CIB4: variants seen among roughly 807,000 people sequenced by gnomAD.
CIB4 encodes the protein calcium and integrin binding family member 4, also known as calcium and integrin-binding family member 4.
A neutral mutation model predicts 25.8 loss-of-function variants in CIB4; 25 were observed. The observed-to-expected ratio is 0.97, with a 90% confidence interval of 0.71 to 1.35. CIB4 has a LOEUF of 1.35. CIB4 is among the 40% of genes most tolerant of loss of function. The pLI is 0.00. For missense variants in CIB4, 235 were observed against 228.2 expected (o/e 1.03, Z -0.19); for synonymous variants, 75 against 81.4 (o/e 0.92, Z 0.42).
chr2:26,624,717 G>C (rs1383529042), intron 3 of CIB4, among the ~76,000 whole-genome samples: 1 of 116,612 alleles, frequency 8.6e-6, no homozygotes, highest in Admixed American at 1.1e-4. Context: ...TCTGGGACCA[G>C]GCTGGGAAGT....
At chr2:26,614,645 A>G (rs185795615) in intron 3 of CIB4, among the ~76,000 whole-genome samples, 1 of 151,986 alleles carries the variant, frequency 6.6e-6, no homozygotes, top group Admixed American at 6.6e-5. Flanking sequence ...GCCTCCATTT[A>G]CTCATCTGCC....
intron 3 of CIB4, among the ~76,000 whole-genome samples, chr2:26,625,396 AGGCT>A (rs1475967300): frequency 3.9e-5 from 5 of 129,424 alleles, no homozygotes; most frequent in Non-Finnish European, 6.3e-5. Context: ...CTTGTTGCCC[AGGCT>A]GGAGTGCAAT....
In CIB4 at chr2:26,581,674, G is replaced by A. The variant is rs151008447; in HGVS notation, c.528-281C>T. Among the ~76,000 whole-genome samples, 1,472 of 152,328 alleles carry A rather than the reference G, an allele frequency of 9.7e-3. 28 individuals are homozygous for A. Among genetic ancestry groups the A allele is most frequent in the African/African-American group, 0.029 (1,223 of 41,564 alleles). On this transcript the variant is annotated intron_variant, in intron 6 of 6. Coordinates refer to ENST00000288861, the MANE Select transcript of CIB4 (RefSeq NM_001029881.3). Reference sequence around the variant, plus strand: ...ATTCAAAGAGAAACTCTGAGCAGTCGGGGTGCCAGCTTCAATTATGTGCTG... The same window carrying A: ...ATTCAAAGAGAAACTCTGAGCAGTCAGGGTGCCAGCTTCAATTATGTGCTG...
intron 3 of CIB4, among the ~76,000 whole-genome samples, chr2:26,612,137 T>C (rs1669006113): frequency 6.6e-6 from 1 of 152,066 alleles, no homozygotes; most frequent in South Asian, 2.1e-4. Context: ...CTTTTGCTTC[T>C]CTCTTCTGCT....
intron 3 of CIB4, among the ~76,000 whole-genome samples, chr2:26,625,016 C>A (rs886562999): frequency 3.3e-5 from 5 of 152,104 alleles, no homozygotes; most frequent in Admixed American, 3.3e-4. Flanking sequence ...ATCTCATGTA[C>A]CCCATAAATA....
intron 3 of CIB4, among the ~76,000 whole-genome samples, chr2:26,608,518 C>T (rs1206193588): frequency 6.6e-6 from 1 of 152,178 alleles, no homozygotes; most frequent in African/African-American, 2.4e-5. Flanking sequence ...GTGGACAATC[C>T]TTAGACTACA....
chr2:26,634,278 C>T (rs557560144), intron 2 of CIB4, among the ~76,000 whole-genome samples: 1 of 152,350 alleles, frequency 6.6e-6, no homozygotes, highest in African/African-American at 2.4e-5. Context: ...CTTTGCTCTA[C>T]AGTACTGCCT....
chr2:26,621,716 C>T (rs1669208048), intron 3 of CIB4, among the ~76,000 whole-genome samples: 1 of 152,062 alleles, frequency 6.6e-6, no homozygotes, highest in African/African-American at 2.4e-5. Context: ...AAATGCAAGA[C>T]CCAAGAGAGT....
intron 2 of CIB4, among the ~76,000 whole-genome samples, chr2:26,638,862 G>T (rs866870035): frequency 5.9e-5 from 9 of 151,798 alleles, no homozygotes; most frequent in Non-Finnish European, 1.5e-5. Context: ...TGAGGCAAGA[G>T]AATTATTTAA....
intron 4 of CIB4, among the ~76,000 whole-genome samples, chr2:26,593,891 C>T (rs1668633414): frequency 6.6e-6 from 1 of 152,196 alleles, no homozygotes; most frequent in Admixed American, 6.5e-5. Context: ...GCGTAGTTTA[C>T]ACACAACATT....
At chr2:26,589,398 T>G (rs1668544433) in intron 4 of CIB4, among the ~76,000 whole-genome samples, 1 of 152,006 alleles carries the variant, frequency 6.6e-6, no homozygotes, top group Non-Finnish European at 1.5e-5. Flanking sequence ...CTCAGCTCAC[T>G]GCAACCTCTG....
At chr2:26,594,329 T>A (rs1442913636) in intron 4 of CIB4, among the ~76,000 whole-genome samples, 1 of 152,172 alleles carries the variant, frequency 6.6e-6, no homozygotes, top group Non-Finnish European at 1.5e-5. Context: ...AAATATTAAG[T>A]CCTTTTTACA....
chr2:26,604,611 TC>T (rs367685763), intron 3 of CIB4, among the ~76,000 whole-genome samples: 126 of 152,148 alleles, frequency 8.3e-4, no homozygotes, highest in Non-Finnish European at 1.3e-3. Flanking sequence ...ACTCTTTTTT[TC>T]CCCCAGACAA....
At chr2:26,586,431 T>G (rs1225802338) in intron 4 of CIB4, among the ~76,000 whole-genome samples, 2 of 152,216 alleles carry the variant, frequency 1.3e-5, no homozygotes, top group African/African-American at 4.8e-5. Flanking sequence ...ACTTCCTATG[T>G]CTTCCCAGCT....
chr2:26,619,739 C>T (rs924536850), intron 3 of CIB4, among the ~76,000 whole-genome samples: 3 of 151,944 alleles, frequency 2.0e-5, no homozygotes, highest in Non-Finnish European at 4.4e-5. Flanking sequence ...GTGACACCAC[C>T]CCGATCTCCA....
intron 2 of CIB4, among the ~76,000 whole-genome samples, chr2:26,637,541 A>T (rs1669556833): frequency 6.6e-6 from 1 of 151,976 alleles, no homozygotes; most frequent in South Asian, 2.1e-4. Flanking sequence ...TGCTTTCTTA[A>T]CTTAATAATA....
At chr2:26,636,681 G>T (rs1182477449) in intron 2 of CIB4, among the ~76,000 whole-genome samples, 1 of 151,818 alleles carries the variant, frequency 6.6e-6, no homozygotes, top group Non-Finnish European at 1.5e-5. Flanking sequence ...CTATGAAAAG[G>T]TCCATAAGAG....
chr2:26,641,178 G>T, intron 1 of CIB4, 83 bp downstream of exon 1: 3 of 1,184,916 alleles, frequency 2.5e-6, no homozygotes, highest in African/African-American at 1.5e-5. Context: ...CTGCTAGAGC[G>T]TCAGGAAGGA....
intron 3 of CIB4, among the ~76,000 whole-genome samples, chr2:26,598,831 G>T (rs990233057): frequency 6.6e-6 from 1 of 152,188 alleles, no homozygotes; most frequent in African/African-American, 2.4e-5. Flanking sequence ...GTTTCTAGGG[G>T]CCCTGGTGGG....
Sources: allele counts gnomAD v4.1 joint callset (sites outside exome capture counted in the v4.1 genomes callset), GRCh38; gene constraint gnomAD v4.1.1; transcripts MANE v1.5; gene names NCBI Gene and HGNC (gene_info 2026-07-23, HGNC 2026-07-21).